Variants in MSRA observed in about 807,000 individuals in gnomAD.
MSRA encodes the protein mitochondrial peptide methionine sulfoxide reductase.
In MSRA, 54 loss-of-function variants were observed where a neutral mutation model predicts 31.3. The observed-to-expected ratio is 1.73, with a 90% CI of 1.39 to 2.17. The LOEUF (loss-of-function observed/expected upper bound fraction) is 2.17. Among genes scored for constraint, MSRA ranks in the 30% most tolerant of loss-of-function variants. The pLI is 0.00. For synonymous variants in MSRA, 169 were observed against 116.5 expected, an observed-to-expected ratio of 1.45 and a Z score of -2.90; for missense variants, 507 against 300.9, an observed-to-expected ratio of 1.69 and a Z score of -5.07.
chr8:10,258,880 G>A (rs1798320174), intron 3 of MSRA, among the ~76,000 whole-genome samples: 1 of 152,172 alleles, frequency 6.6e-6, no homozygotes, highest in Non-Finnish European at 1.5e-5. Context: ...GCCAAGGCGG[G>A]CAGATCGCTT....
At chr8:10,125,836 A>T (rs547392098) in intron 1 of MSRA, among the ~76,000 whole-genome samples, 1 of 152,246 alleles carries the variant, frequency 6.6e-6, no homozygotes, top group Admixed American at 6.5e-5. Context: ...TGATACCAAT[A>T]CCTGTTATTA....
intron 1 of MSRA, among the ~76,000 whole-genome samples, chr8:10,061,029 CT>C (rs1802688033): frequency 6.6e-6 from 1 of 152,166 alleles, no homozygotes. Context: ...GTTATTTCCC[CT>C]CTTTGCATCC....
At chr8:10,268,316 T>C (rs530352196) in intron 3 of MSRA, among the ~76,000 whole-genome samples, 2 of 152,288 alleles carry the variant, frequency 1.3e-5, no homozygotes, top group Admixed American at 1.3e-4. Flanking sequence ...CTCCAGACAT[T>C]TGGGTAGAAA....
intron 5 of MSRA, among the ~76,000 whole-genome samples, chr8:10,390,832 T>C (rs563406305): frequency 3.4e-4 from 52 of 152,170 alleles, no homozygotes; most frequent in African/African-American, 1.2e-3. Flanking sequence ...AAAAATTATC[T>C]GGGCGCGGTG....
At chr8:10,291,425 A>G (rs2129116925) in intron 3 of MSRA, among the ~76,000 whole-genome samples, 1 of 152,322 alleles carries the variant, frequency 6.6e-6, no homozygotes, top group Admixed American at 6.5e-5. Flanking sequence ...AAAGAAAAAA[A>G]AAAGCCAAGA....
intron 5 of MSRA, among the ~76,000 whole-genome samples, chr8:10,321,801 C>T (rs985044494): frequency 3.9e-5 from 6 of 152,262 alleles, no homozygotes; most frequent in African/African-American, 1.4e-4. Flanking sequence ...AGCTTCGAAT[C>T]CCCTCAACCC....
At chr8:10,385,116 T>C (rs1482910050) in intron 5 of MSRA, among the ~76,000 whole-genome samples, 1 of 151,776 alleles carries the variant, frequency 6.6e-6, no homozygotes, top group African/African-American at 2.4e-5. Flanking sequence ...AGTTCATAGG[T>C]AAGGAGCAGG....
chr8:10,173,700 C>T (rs1404472158), intron 1 of MSRA, among the ~76,000 whole-genome samples: 1 of 152,224 alleles, frequency 6.6e-6, no homozygotes, highest in Non-Finnish European at 1.5e-5. Flanking sequence ...CTTCCAAATC[C>T]TGCCTTGATT....
chr8:10,067,311 T>C (rs1797504766), intron 1 of MSRA, among the ~76,000 whole-genome samples: 1 of 150,996 alleles, frequency 6.6e-6, no homozygotes, highest in Admixed American at 6.6e-5. Context: ...CACTTAACAA[T>C]ATGATTTGAG....
chr8:10,095,034 T>G (rs899466610), intron 1 of MSRA, among the ~76,000 whole-genome samples: 2 of 152,254 alleles, frequency 1.3e-5, no homozygotes, highest in African/African-American at 4.8e-5. Context: ...AAAACTATAT[T>G]CATTCTCCAT....
intron 2 of MSRA, among the ~76,000 whole-genome samples, chr8:10,231,971 C>G (rs1811519713): frequency 6.6e-6 from 1 of 152,112 alleles, no homozygotes; most frequent in Non-Finnish European, 1.5e-5. Context: ...TACTTTACAG[C>G]AAGCTAAAAC....
chr8:10,378,330 C>A (rs936982161), intron 5 of MSRA, among the ~76,000 whole-genome samples: 1 of 152,180 alleles, frequency 6.6e-6, no homozygotes, highest in African/African-American at 2.4e-5. Flanking sequence ...GTGAGAGACT[C>A]ATTGGGTGGG....
chr8:10,190,399 C>G (rs1312458616), intron 1 of MSRA, among the ~76,000 whole-genome samples: 4 of 152,172 alleles, frequency 2.6e-5, no homozygotes, highest in African/African-American at 9.6e-5. Context: ...AGGCCTCCTG[C>G]CCCCGTCAGT....
chr8:10,180,930 A>G (rs143162504), intron 1 of MSRA, among the ~76,000 whole-genome samples: 91 of 152,254 alleles, frequency 6.0e-4, no homozygotes, highest in African/African-American at 2.2e-3. Context: ...GTTTTAGTTG[A>G]CTTCCTGGAC....
chr8:10,126,690 T>A (rs929824460), intron 1 of MSRA, among the ~76,000 whole-genome samples: 1 of 152,076 alleles, frequency 6.6e-6, no homozygotes, highest in Admixed American at 6.6e-5. Flanking sequence ...TTTTTGTATT[T>A]TTTAGTAGAG....
chr8:10,384,527 G>C (rs1361285233), intron 5 of MSRA, among the ~76,000 whole-genome samples: 2 of 152,180 alleles, frequency 1.3e-5, no homozygotes, highest in African/African-American at 2.4e-5. Context: ...CTGCTCATTG[G>C]AATAACCAGT....
chr8:10,174,789 C>T (rs1012274776), intron 1 of MSRA, among the ~76,000 whole-genome samples: 5 of 152,190 alleles, frequency 3.3e-5, no homozygotes, highest in Admixed American at 2.6e-4. Context: ...CATGAGCTGA[C>T]CTCAGAGATG....
chr8:10,358,400 T>G (rs1181829888), intron 5 of MSRA, among the ~76,000 whole-genome samples: 1 of 152,094 alleles, frequency 6.6e-6, no homozygotes, highest in Non-Finnish European at 1.5e-5. Flanking sequence ...TTCCCCCCAA[T>G]TTTTGTGGCT....
At chr8:10,348,827 C>T (rs1048628264) in intron 5 of MSRA, among the ~76,000 whole-genome samples, 1 of 152,110 alleles carries the variant, frequency 6.6e-6, no homozygotes, top group Non-Finnish European at 1.5e-5. Context: ...AGGGTCTTGG[C>T]AGGAGAAGGC....
Sources: gnomAD v4.1 joint callset for allele counts (sites outside exome capture counted in the v4.1 genomes callset) on GRCh38, gnomAD v4.1.1 for gene constraint, MANE v1.5 for transcripts, NCBI Gene and HGNC (gene_info 2026-07-23, HGNC 2026-07-21) for gene names.